ANKS1B: variants seen among roughly 807,000 people sequenced by gnomAD.
ANKS1B encodes the protein ankyrin repeat and sterile alpha motif domain-containing protein 1B.
A neutral mutation model predicts 148.3 loss-of-function variants in ANKS1B; 36 were observed. The observed-to-expected ratio is 0.24, with a 90% confidence interval of 0.19 to 0.32. The LOEUF is 0.32. ANKS1B is among the 10% of genes least tolerant of loss of function. The probability of loss-of-function intolerance (pLI) is 1.00; values close to 1 mark genes in which losing one functional copy is unlikely to be tolerated. For synonymous variants in ANKS1B, 542 were observed against 560.8 expected (o/e 0.97, Z 0.47); for missense variants, 1,157 against 1,542.6 (o/e 0.75, Z 4.19).
chr12:99,880,406 C>T (rs571280468), intron 1 of ANKS1B, among the ~76,000 whole-genome samples: 1 of 152,260 alleles, frequency 6.6e-6, no homozygotes, highest in Admixed American at 6.5e-5. Context: ...TGATCTTAAC[C>T]ACTTACAATA....
rs1023891751 is a variant in ANKS1B at position 99,871,421 on chromosome 12, A to G, written c.135-46032T>C. On this transcript the variant is annotated intron_variant, in intron 1 of 26. Coordinates refer to ENST00000683438, the MANE Select transcript of ANKS1B (RefSeq NM_001352186.2). ...CTTTTTTTAGTTCCACATGAATTTT[A>G]GAATAGTCTTTTCTAATTCTGTGAA... Among the ~76,000 whole-genome samples, 4 of 152,254 alleles carry G rather than the reference A, an allele frequency of 2.6e-5. No homozygotes were observed. The East Asian group carries it at 7.7e-4, about 29-fold the overall frequency.
chr12:99,253,682 G>T (rs927761066), intron 12 of ANKS1B, among the ~76,000 whole-genome samples: 1 of 152,078 alleles, frequency 6.6e-6, no homozygotes, highest in Non-Finnish European at 1.5e-5. Context: ...AGTTTGACTA[G>T]GAATGGGAAT....
At chr12:99,545,289 C>T (rs1472885883) in intron 9 of ANKS1B, among the ~76,000 whole-genome samples, 1 of 152,082 alleles carries the variant, frequency 6.6e-6, no homozygotes, top group Non-Finnish European at 1.5e-5. Flanking sequence ...ATGTATTTAA[C>T]TTTCGACCAA....
intron 22 of ANKS1B, among the ~76,000 whole-genome samples, chr12:98,796,779 CTAAATA>C (rs1345692868): frequency 1.3e-5 from 2 of 152,132 alleles, no homozygotes; most frequent in African/African-American, 4.8e-5. Context: ...AGAATGGCTT[CTAAATA>C]TATGTTTTTT....
At chr12:99,930,245 A>C (rs1001962872) in intron 1 of ANKS1B, among the ~76,000 whole-genome samples, 1 of 151,640 alleles carries the variant, frequency 6.6e-6, no homozygotes, top group Non-Finnish European at 1.5e-5. Context: ...TAGGTATTTT[A>C]TTCTCTTTGA....
intron 8 of ANKS1B, among the ~76,000 whole-genome samples, chr12:99,725,385 C>T (rs560353281): frequency 2.6e-4 from 39 of 152,144 alleles, no homozygotes; most frequent in African/African-American, 7.9e-4. Context: ...AGACTTTAAA[C>T]CAACAAAGAT....
At chr12:99,700,005 A>G (rs1418376415) in intron 8 of ANKS1B, among the ~76,000 whole-genome samples, 3 of 152,196 alleles carry the variant, frequency 2.0e-5, no homozygotes, top group Non-Finnish European at 4.4e-5. Context: ...AATGTAACAG[A>G]ACTATTTTGA....
chr12:99,932,281 T>C (rs941388900), intron 1 of ANKS1B, among the ~76,000 whole-genome samples: 1 of 152,214 alleles, frequency 6.6e-6, no homozygotes, highest in Non-Finnish European at 1.5e-5. Flanking sequence ...TTTGGGCATA[T>C]ACTTAGCAAT....
At chr12:99,965,447 C>T (rs559513333) in intron 1 of ANKS1B, among the ~76,000 whole-genome samples, 103 of 152,076 alleles carry the variant, frequency 6.8e-4, no homozygotes, top group Non-Finnish European at 1.4e-3. Context: ...ATAAATGTAC[C>T]TCCACACAAA....
chr12:99,968,235 T>C (rs2095512090), intron 1 of ANKS1B, among the ~76,000 whole-genome samples: 1 of 152,076 alleles, frequency 6.6e-6, no homozygotes, highest in Admixed American at 6.5e-5. Context: ...CAGGCTTAGA[T>C]TTATTGGCCT....
chr12:99,573,965 C>G (rs1379592796), intron 9 of ANKS1B, among the ~76,000 whole-genome samples: 1 of 151,864 alleles, frequency 6.6e-6, no homozygotes, highest in Non-Finnish European at 1.5e-5. Context: ...AAGAGATATT[C>G]CAGTCTGCCT....
intron 9 of ANKS1B, among the ~76,000 whole-genome samples, chr12:99,628,686 G>A (rs1011325080): frequency 6.6e-6 from 1 of 152,102 alleles, no homozygotes; most frequent in African/African-American, 2.4e-5. Flanking sequence ...AGTTCTGGAG[G>A]ATGGGACATC....
intron 15 of ANKS1B, among the ~76,000 whole-genome samples, chr12:99,088,200 C>T (rs1003952888): frequency 6.6e-6 from 1 of 152,086 alleles, no homozygotes. Context: ...TCTATTTTAT[C>T]TTTTTCTATA....
intron 4 of ANKS1B, among the ~76,000 whole-genome samples, chr12:99,784,587 T>C (rs1467010150): frequency 1.3e-5 from 2 of 152,190 alleles, no homozygotes; most frequent in African/African-American, 2.4e-5. Flanking sequence ...CATCTAGATA[T>C]ACCTACCACT....
intron 11 of ANKS1B, among the ~76,000 whole-genome samples, chr12:99,401,232 T>C (rs2094395648): frequency 6.8e-6 from 1 of 146,236 alleles, no homozygotes. Context: ...TGGTTTCTCA[T>C]GAAATGTCTG....
chr12:98,874,053 C>CA (rs1402640602), intron 17 of ANKS1B, among the ~76,000 whole-genome samples: 5 of 152,120 alleles, frequency 3.3e-5, no homozygotes, highest in Non-Finnish European at 5.9e-5. Context: ...ATCTGTCTGC[C>CA]TCTTTTCACT....
At position 98,915,705 on chromosome 12, in the gene ANKS1B, T is replaced by G. The variant is rs549020352; in HGVS notation, c.2779-83569A>C. Among the ~76,000 whole-genome samples, 10 of 152,260 alleles carry G rather than the reference T, an allele frequency of 6.6e-5. No individual in the cohort carries two copies. The East Asian group carries it at 1.9e-3, about 29-fold the overall frequency. On this transcript the variant is annotated intron_variant, in intron 17 of 26. Coordinates refer to ENST00000683438, the MANE Select transcript of ANKS1B (RefSeq NM_001352186.2). ...CAACCTGGGTGTGTTACTTTATCAC[T>G]ACAGCCCTAGCAAACTAATACTCAA...
At position 99,630,021 on chromosome 12, in the gene ANKS1B, C is replaced by A. The variant is rs183302395; in HGVS notation, c.1272+25046G>T. On this transcript the variant is annotated intron_variant, in intron 9 of 26. Transcript: ENST00000683438. ...TTTAAAAAATCCTAGGTGTATTTTT[C>A]TAATTCTTGAAACTGAACTGCACTT... 8.5e-4 allele frequency among the ~76,000 whole-genome samples: 129 copies of A among 152,198 alleles called. 1 individual carries two copies. Among genetic ancestry groups the A allele is most frequent in the African/African-American group, 2.8e-3 (118 of 41,550 alleles).
intron 1 of ANKS1B, among the ~76,000 whole-genome samples, chr12:99,913,066 T>C (rs1295870478): frequency 5.3e-5 from 8 of 152,224 alleles, no homozygotes; most frequent in Non-Finnish European, 1.2e-4. Context: ...ACATATTTTA[T>C]CCAACTGAAG....
Sources: gnomAD v4.1 joint callset for allele counts (sites outside exome capture counted in the v4.1 genomes callset) on GRCh38, gnomAD v4.1.1 for gene constraint, MANE v1.5 for transcripts, NCBI Gene and HGNC (gene_info 2026-07-23, HGNC 2026-07-21) for gene names.